Variants in METAP1 observed in about 807,000 individuals in gnomAD.
METAP1 encodes the protein methionyl aminopeptidase 1.
Under a neutral mutation model 53.8 loss-of-function variants are expected in METAP1, and 28 were observed. That is an observed-to-expected ratio of 0.52 (90% CI 0.39 to 0.71). METAP1 has a LOEUF of 0.71. Ranked by LOEUF, METAP1 falls within the 30% of genes least tolerant of loss-of-function variation. The pLI is 0.00. For synonymous variants in METAP1, 181 were observed against 165.7 expected (o/e 1.09, Z -0.71); for missense variants, 389 against 479.8 (o/e 0.81, Z 1.77).
intron 8 of METAP1, among the ~76,000 whole-genome samples, chr4:99,047,593 T>G (rs1277764975): frequency 6.6e-6 from 1 of 152,114 alleles, no homozygotes; most frequent in Non-Finnish European, 1.5e-5. Context: ...CAAGTAAAAA[T>G]GTTAATTAAA....
chr4:99,013,309 C>T (rs2167981), intron 1 of METAP1, among the ~76,000 whole-genome samples: 72,119 of 151,956 alleles, frequency 0.47, 18,527 homozygotes, highest in South Asian at 0.67. Flanking sequence ...ACCCAGTCCA[C>T]CCCATTAACT....
chr4:99,057,311 A>G (rs547702817), intron 9 of METAP1, among the ~76,000 whole-genome samples: 16 of 152,308 alleles, frequency 1.1e-4, no homozygotes, highest in African/African-American at 3.8e-4. Flanking sequence ...TTACCCCCCA[A>G]AGCGGTGGGA....
intron 5 of METAP1, among the ~76,000 whole-genome samples, chr4:99,039,814 G>A (rs922263991): frequency 6.6e-6 from 1 of 150,842 alleles, no homozygotes; most frequent in African/African-American, 2.4e-5. Context: ...GGCTGGTCTC[G>A]AACTCCTGAC....
rs552189925 is a variant in METAP1, at chr4:99,041,828, C to A, written c.516+702C>A. ...GTGATGGTATTGTAAATTGGAAGAA[C>A]CCTTTTGGAAGGATTTGACAATCTA... On this transcript the variant is annotated intron_variant, in intron 6 of 10. Transcript: ENST00000296411. 7.9e-5 allele frequency among the ~76,000 whole-genome samples: 12 copies of A among 151,276 alleles called. No individual in the cohort carries two copies. In the South Asian group the frequency reaches 2.3e-3, roughly 29 times the overall value.
intron 9 of METAP1, among the ~76,000 whole-genome samples, chr4:99,050,546 G>C (rs1442627828): frequency 6.6e-6 from 1 of 152,078 alleles, no homozygotes; most frequent in Non-Finnish European, 1.5e-5. Context: ...TCAGAGCAGG[G>C]GTCCCCAGCC....
At chr4:99,048,625 C>T (rs910939622) in intron 8 of METAP1, 108 bp from the exon 9 acceptor site, 3 of 1,216,536 alleles carry the variant, frequency 2.5e-6, no homozygotes, top group African/African-American at 3.0e-5. Context: ...CTGCCTTGAC[C>T]TCTCAAAGTG....
chr4:99,009,771 A>G (rs1387321097), intron 1 of METAP1, among the ~76,000 whole-genome samples: 1 of 152,158 alleles, frequency 6.6e-6, no homozygotes, highest in Non-Finnish European at 1.5e-5. Flanking sequence ...CTAGATGTCA[A>G]CCCATTACCA....
intron 1 of METAP1, among the ~76,000 whole-genome samples, chr4:99,004,053 C>T (rs994423153): frequency 6.6e-6 from 1 of 152,138 alleles, no homozygotes; most frequent in African/African-American, 2.4e-5. Context: ...TCACAGAACT[C>T]AGGAAAATAC....
chr4:99,009,750 TA>T (rs1318393367), intron 1 of METAP1, among the ~76,000 whole-genome samples: 1 of 152,196 alleles, frequency 6.6e-6, no homozygotes, highest in Non-Finnish European at 1.5e-5. Flanking sequence ...GTAAGAGTCT[TA>T]AAATATAATC....
intron 2 of METAP1, among the ~76,000 whole-genome samples, chr4:99,029,447 T>C (rs1724830775): frequency 6.6e-6 from 1 of 152,238 alleles, no homozygotes. Context: ...TCCTTAGCTA[T>C]TACTGTCAGC....
chr4:99,024,218 T>A (rs1432942131), intron 1 of METAP1, among the ~76,000 whole-genome samples: 3 of 152,176 alleles, frequency 2.0e-5, no homozygotes, highest in African/African-American at 7.2e-5. Flanking sequence ...ACGTACCCCC[T>A]GCTTGCTCAA....
chr4:99,018,759 A>G (rs1723921874), intron 1 of METAP1, among the ~76,000 whole-genome samples: 1 of 152,204 alleles, frequency 6.6e-6, no homozygotes, highest in African/African-American at 2.4e-5. Context: ...AGGGTATTAT[A>G]CGGAGACATG....
chr4:99,004,488 C>T (rs1042387288), intron 1 of METAP1, among the ~76,000 whole-genome samples: 113 of 32,162 alleles, frequency 3.5e-3, no homozygotes, highest in African/African-American at 7.4e-3. Context: ...CACACATACA[C>T]ACACACACAC....
chr4:99,002,715 A>G (rs1722979691), intron 1 of METAP1, among the ~76,000 whole-genome samples: 2 of 152,190 alleles, frequency 1.3e-5, no homozygotes, highest in African/African-American at 4.8e-5. Flanking sequence ...ACTTATTGCA[A>G]GGCTCAGTAA....
chr4:99,045,887 A>G (rs955894796), intron 8 of METAP1, among the ~76,000 whole-genome samples: 10 of 152,230 alleles, frequency 6.6e-5, no homozygotes, highest in African/African-American at 2.2e-4. Flanking sequence ...TCAAGTTAGC[A>G]TATATACCTA....
intron 4 of METAP1, among the ~76,000 whole-genome samples, chr4:99,038,513 G>T (rs1725598919): frequency 1.3e-5 from 2 of 152,078 alleles, no homozygotes; most frequent in Middle Eastern, 3.4e-3. Context: ...TTGCCTTCTG[G>T]TATGAATCTC....
intron 9 of METAP1, among the ~76,000 whole-genome samples, chr4:99,056,051 T>A (rs1727094066): frequency 6.6e-6 from 1 of 152,222 alleles, no homozygotes. Context: ...GCACGATAGC[T>A]ATTCATCTGG....
chr4:99,053,881 T>C (rs2866032), intron 9 of METAP1, among the ~76,000 whole-genome samples: 68,004 of 149,812 alleles, frequency 0.45, 17,474 homozygotes, highest in South Asian at 0.68. Flanking sequence ...TTATTAATTA[T>C]ATTAACTATA....
intron 1 of METAP1, among the ~76,000 whole-genome samples, chr4:99,016,912 ATC>A (rs895931146): frequency 6.6e-6 from 1 of 152,180 alleles, no homozygotes; most frequent in East Asian, 1.9e-4. Flanking sequence ...TTTGGAGAGC[ATC>A]TCTCTCTGAT....
Sources: allele counts gnomAD v4.1 joint callset (sites outside exome capture counted in the v4.1 genomes callset), GRCh38; gene constraint gnomAD v4.1.1; transcripts MANE v1.5; gene names NCBI Gene and HGNC (gene_info 2026-07-23, HGNC 2026-07-21).